The following KCNN3 variants were observed in gnomAD, a reference collection of about 807,000 sequenced individuals.
KCNN3 encodes the protein potassium calcium-activated channel subfamily N member 3.
Under a neutral mutation model 62.9 loss-of-function variants are expected in KCNN3, and 16 were observed. That is an observed-to-expected ratio of 0.25 (90% CI 0.17 to 0.39). The LOEUF (loss-of-function observed/expected upper bound fraction) is 0.39, where lower values mean the gene tolerates loss of function less well. KCNN3 is among the 10% of genes least tolerant of loss of function. The pLI, the probability that KCNN3 is intolerant of heterozygous loss-of-function variation, is 1.00. For synonymous variants in KCNN3, 370 were observed against 389.2 expected (o/e 0.95, Z 0.58); for missense variants, 599 against 949.4 (o/e 0.63, Z 4.85).
intron 1 of KCNN3, among the ~76,000 whole-genome samples, chr1:154,846,542 CTTTA>C (rs1157511870): frequency 8.5e-5 from 13 of 152,286 alleles, no homozygotes; most frequent in African/African-American, 2.4e-4. Flanking sequence ...TTTTTGTTGG[CTTTA>C]TTTATTTTTC....
chr1:154,815,848 T>C (rs1650641633), intron 2 of KCNN3, among the ~76,000 whole-genome samples: 1 of 152,312 alleles, frequency 6.6e-6, no homozygotes, highest in Middle Eastern at 3.4e-3. Flanking sequence ...TGAGTTGTCC[T>C]GTCTGTTCTT....
At chr1:154,743,452 C>A (rs1209162470) in intron 3 of KCNN3, among the ~76,000 whole-genome samples, 2 of 152,208 alleles carry the variant, frequency 1.3e-5, no homozygotes, top group Non-Finnish European at 1.5e-5. Context: ...CCCATCTCAC[C>A]TTCGCCCATT....
At chr1:154,715,893 G>C (rs1270349884) in intron 5 of KCNN3, among the ~76,000 whole-genome samples, 1 of 152,160 alleles carries the variant, frequency 6.6e-6, no homozygotes, top group East Asian at 1.9e-4. Flanking sequence ...CTTTCCCACT[G>C]ATTGGAACTA....
At chr1:154,717,582 A>T (rs1700257639) in intron 5 of KCNN3, among the ~76,000 whole-genome samples, 1 of 151,360 alleles carries the variant, frequency 6.6e-6, no homozygotes, top group Admixed American at 6.6e-5. Flanking sequence ...CATGGCCCTC[A>T]CTTAGCAATG....
At chr1:154,860,356 C>A (rs1369575951) in intron 1 of KCNN3, among the ~76,000 whole-genome samples, 1 of 152,206 alleles carries the variant, frequency 6.6e-6, no homozygotes, top group Admixed American at 6.5e-5. Context: ...CGTGTGTCCC[C>A]CTGACCTTCC....
intron 4 of KCNN3, 133 bp downstream of exon 4, chr1:154,732,870 A>C: frequency 1.2e-6 from 1 of 848,342 alleles, no homozygotes; most frequent in Middle Eastern, 3.3e-4. Flanking sequence ...TGTGTAGGGG[A>C]CACACATGCA....
intron 1 of KCNN3, among the ~76,000 whole-genome samples, chr1:154,836,202 C>T (rs946325713): frequency 2.0e-5 from 3 of 152,184 alleles, no homozygotes; most frequent in African/African-American, 7.2e-5. Context: ...GAGTGTTGAG[C>T]AGCCGGAAGA....
intron 3 of KCNN3, among the ~76,000 whole-genome samples, chr1:154,746,496 T>C (rs1700939507): frequency 6.6e-6 from 1 of 152,162 alleles, no homozygotes; most frequent in Non-Finnish European, 1.5e-5. Context: ...GCCTGCACTG[T>C]TACTCTTGCC....
intron 1 of KCNN3, among the ~76,000 whole-genome samples, chr1:154,828,521 A>G (rs976360061): frequency 6.6e-6 from 1 of 152,138 alleles, no homozygotes; most frequent in African/African-American, 2.4e-5. Flanking sequence ...CTCTTTCTAA[A>G]TAACATAGGA....
chr1:154,838,572 GT>G (rs1651697888), intron 1 of KCNN3, among the ~76,000 whole-genome samples: 1 of 152,018 alleles, frequency 6.6e-6, no homozygotes, highest in African/African-American at 2.4e-5. Context: ...ACCTTTCCAT[GT>G]GCTTGCTGGG....
chr1:154,753,885 A>G (rs1171365343), intron 3 of KCNN3, among the ~76,000 whole-genome samples: 1 of 152,204 alleles, frequency 6.6e-6, no homozygotes, highest in Non-Finnish European at 1.5e-5. Context: ...ATCAGGAACC[A>G]GCCAGTCGCA....
intron 2 of KCNN3, among the ~76,000 whole-genome samples, chr1:154,805,606 C>A (rs148265884): frequency 1.3e-4 from 20 of 152,236 alleles, no homozygotes; most frequent in African/African-American, 4.8e-4. Flanking sequence ...CCGCTGTGGT[C>A]GGCTGTTTGG....
intron 1 of KCNN3, among the ~76,000 whole-genome samples, chr1:154,825,701 T>A (rs1651082060): frequency 6.6e-6 from 1 of 151,644 alleles, no homozygotes; most frequent in South Asian, 2.1e-4. Context: ...TATTCCTAAA[T>A]GCCCACAAAT....
chr1:154,774,133 G>T (rs760529494), intron 2 of KCNN3, among the ~76,000 whole-genome samples: 1 of 152,202 alleles, frequency 6.6e-6, no homozygotes, highest in Non-Finnish European at 1.5e-5. Flanking sequence ...CAACATGCAT[G>T]GAATCCTGCC....
At chr1:154,710,374 G>A (rs985195147) in intron 7 of KCNN3, among the ~76,000 whole-genome samples, 2 of 152,190 alleles carry the variant, frequency 1.3e-5, no homozygotes, top group Non-Finnish European at 2.9e-5. Flanking sequence ...AGGACCTTGG[G>A]TGAGTCTCCT....
intron 2 of KCNN3, among the ~76,000 whole-genome samples, chr1:154,786,906 A>T (rs938690393): frequency 2.0e-5 from 3 of 152,248 alleles, no homozygotes; most frequent in Non-Finnish European, 4.4e-5. Flanking sequence ...AAGCATGGCC[A>T]TTCTTGGAGG....
At chr1:154,852,829 C>T (rs765575711) in intron 1 of KCNN3, among the ~76,000 whole-genome samples, 7 of 152,114 alleles carry the variant, frequency 4.6e-5, no homozygotes, top group Non-Finnish European at 1.0e-4. Context: ...TCGTGTCCAC[C>T]GGACAGTGCT....
chr1:154,737,356 A>C (rs1235183232), intron 3 of KCNN3, among the ~76,000 whole-genome samples: 1 of 152,170 alleles, frequency 6.6e-6, no homozygotes, highest in Non-Finnish European at 1.5e-5. Context: ...ACATGAAATA[A>C]ATGAGAGATA....
Position 154,869,077 on chromosome 1 carries a change from A to G in KCNN3, c.888T>C (p.Val296=). ...AGAGCTCGGTCTCTATCACCATAAC[A>G]ACAATTCCAAACATCCCAAAAATCA... The part of the protein sequence containing the change: ...YALIFGMFGI[V]VMVIETELSW... The change falls in exon 1 of 8, where the codon GTT becomes GTC. Residue 296 remains valine, a synonymous_variant. Transcript: ENST00000271915. This position sits in a 1 kb window ranked among gnomAD's most constrained non-coding sequence, Gnocchi z 6.1. 6.2e-7 allele frequency: 1 copy of G among 1,614,162 alleles called. No homozygotes were observed. Among genetic ancestry groups the G allele is most frequent in the Non-Finnish European group, 8.5e-7 (1 of 1,180,020 alleles).
Sources: allele counts gnomAD v4.1 joint callset (sites outside exome capture counted in the v4.1 genomes callset), GRCh38; gene constraint gnomAD v4.1.1; non-coding constraint Gnocchi (gnomAD v3.1); transcripts MANE v1.5; gene names NCBI Gene and HGNC (gene_info 2026-07-23, HGNC 2026-07-21).